The following LMNTD1 variants were observed in gnomAD, a reference collection of about 807,000 sequenced individuals.
The protein encoded by LMNTD1 is lamin tail domain containing 1.
A neutral mutation model predicts 50.9 loss-of-function variants in LMNTD1; 35 were observed. That is an observed-to-expected ratio of 0.69 (90% confidence interval 0.53 to 0.91). The LOEUF (loss-of-function observed/expected upper bound fraction) is 0.91. Ranked by LOEUF, LMNTD1 falls within the 40% of genes least tolerant of loss-of-function variation. The pLI, the probability that LMNTD1 is intolerant of heterozygous loss-of-function variation, is 0.00. For synonymous variants in LMNTD1, 153 were observed against 161.9 expected (o/e 0.94, Z 0.42); for missense variants, 470 against 475.5 (o/e 0.99, Z 0.11).
intron 1 of LMNTD1, among the ~76,000 whole-genome samples, chr12:25,572,537 CA>C (rs1944838357): frequency 6.6e-6 from 1 of 151,992 alleles, no homozygotes; most frequent in Non-Finnish European, 1.5e-5. Flanking sequence ...TACCAATCAA[CA>C]AAAAATCCAA....
intron 1 of LMNTD1, among the ~76,000 whole-genome samples, chr12:25,627,097 G>A (rs1946606399): frequency 6.6e-6 from 1 of 152,186 alleles, no homozygotes; most frequent in African/African-American, 2.4e-5. Flanking sequence ...TCTCTGAGCT[G>A]ATACCACAAA....
At chr12:25,548,647 T>C (rs1943569392) in intron 3 of LMNTD1, among the ~76,000 whole-genome samples, 1 of 151,912 alleles carries the variant, frequency 6.6e-6, no homozygotes, top group African/African-American at 2.4e-5. Flanking sequence ...AGAAAAACAG[T>C]AGGTCCTGTG....
In LMNTD1 at chr12:25,552,581, GAA is replaced by G. The variant is rs55848800; in HGVS notation, c.89+288_89+289del. ...AAGATCGCGCCACTGCACTCTGTCT[GAA>G]AAAAAAAAAAAAAAAAAACGGAACT... On this transcript the variant is annotated intron_variant, in intron 2 of 9. Coordinates refer to ENST00000458174, the MANE Select transcript of LMNTD1 (RefSeq NM_001145728.2). Among the ~76,000 whole-genome samples, 149 of 58,170 alleles carry G rather than the reference GAA, an allele frequency of 2.6e-3. 3 individuals are homozygous for G. The East Asian group carries it at 0.067, about 26-fold the overall frequency. 38.2% of individuals were successfully genotyped at this position (58,170 alleles called of 152,430 possible). A position where few individuals can be genotyped will look rare whatever the true frequency, so the allele number is the denominator to read the frequency against.
chr12:25,623,766 C>A (rs1252631050), intron 1 of LMNTD1, among the ~76,000 whole-genome samples: 1 of 152,014 alleles, frequency 6.6e-6, no homozygotes, highest in South Asian at 2.1e-4. Context: ...CCAACAGATG[C>A]TAAAAACATA....
At chr12:25,535,494 T>C (rs1942517884) in intron 4 of LMNTD1, among the ~76,000 whole-genome samples, 1 of 151,836 alleles carries the variant, frequency 6.6e-6, no homozygotes, top group Non-Finnish European at 1.5e-5. Context: ...CATAGGAAAT[T>C]TGAAGAAATT....
intron 1 of LMNTD1, among the ~76,000 whole-genome samples, chr12:25,562,275 G>C (rs35917615): frequency 0.11 from 16,870 of 152,200 alleles, 1,066 homozygotes; most frequent in East Asian, 0.2. Context: ...GGCTTGTAAC[G>C]ATTGTTCCTT....
At chr12:25,573,834 C>G (rs61926997) in intron 1 of LMNTD1, among the ~76,000 whole-genome samples, 15,814 of 152,192 alleles carry the variant, frequency 0.1, 1,026 homozygotes, top group East Asian at 0.25. Context: ...GTCTCCCTGT[C>G]TCATGCTATG....
At chr12:25,493,611 G>T (rs1426311919) in intron 9 of LMNTD1, among the ~76,000 whole-genome samples, 1 of 152,186 alleles carries the variant, frequency 6.6e-6, no homozygotes, top group Non-Finnish European at 1.5e-5. Context: ...GGTGGACTTG[G>T]AATATATTTT....
chr12:25,518,771 G>A (rs965413375), intron 8 of LMNTD1, 24 bp downstream of exon 8: 10 of 1,611,034 alleles, frequency 6.2e-6, no homozygotes, highest in African/African-American at 1.3e-5. Context: ...ACTCTCCACT[G>A]GAACAAGCAC....
chr12:25,612,642 G>A (rs1405848205), intron 1 of LMNTD1, among the ~76,000 whole-genome samples: 1 of 152,006 alleles, frequency 6.6e-6, no homozygotes, highest in Non-Finnish European at 1.5e-5. Context: ...AATGAATGAA[G>A]CTCTGATGAA....
chr12:25,622,463 GC>G (rs199777995), intron 1 of LMNTD1, among the ~76,000 whole-genome samples: 3 of 111,154 alleles, frequency 2.7e-5, no homozygotes, highest in Admixed American at 9.9e-5. Flanking sequence ...GAGTTTGTGA[GC>G]CCGCCCCCCC....
intron 4 of LMNTD1, among the ~76,000 whole-genome samples, chr12:25,537,357 A>G (rs1942679231): frequency 6.6e-6 from 1 of 152,250 alleles, no homozygotes; most frequent in Admixed American, 6.5e-5. Context: ...GGGTTCTCCC[A>G]GTACGCAGCT....
intron 6 of LMNTD1, among the ~76,000 whole-genome samples, chr12:25,521,873 T>C (rs1591894231): frequency 6.6e-6 from 1 of 152,200 alleles, no homozygotes; most frequent in African/African-American, 2.4e-5. Flanking sequence ...TGGAGTTTGT[T>C]TGGATTTCCT....
At chr12:25,484,508 T>A (rs182858255) in intron 9 of LMNTD1, among the ~76,000 whole-genome samples, 68 of 152,158 alleles carry the variant, frequency 4.5e-4, no homozygotes, top group African/African-American at 1.5e-3. Flanking sequence ...TTTTTAAATT[T>A]ATTTTTTTAT....
intron 1 of LMNTD1, among the ~76,000 whole-genome samples, chr12:25,624,386 G>T (rs956649233): frequency 6.6e-6 from 1 of 152,110 alleles, no homozygotes; most frequent in African/African-American, 2.4e-5. Context: ...ACTAGGAAAA[G>T]GTACCCATTC....
upstream of LMNTD1, among the ~76,000 whole-genome samples, chr12:25,556,335 A>G (rs938148438): frequency 6.6e-6 from 1 of 152,172 alleles, no homozygotes; most frequent in African/African-American, 2.4e-5. Context: ...CATTTTCCAA[A>G]TGAGGAAGTG....
At chr12:25,604,417 A>G (rs1288964244) in intron 1 of LMNTD1, among the ~76,000 whole-genome samples, 1 of 152,100 alleles carries the variant, frequency 6.6e-6, no homozygotes, top group Non-Finnish European at 1.5e-5. Flanking sequence ...TTACATATGT[A>G]TACATGTGCC....
chr12:25,605,156 G>A (rs1296855019), intron 1 of LMNTD1, among the ~76,000 whole-genome samples: 6 of 152,132 alleles, frequency 3.9e-5, no homozygotes, highest in African/African-American at 7.2e-5. Context: ...CTTTTGAGAA[G>A]TGTCTGTTCA....
intron 1 of LMNTD1, among the ~76,000 whole-genome samples, chr12:25,582,163 G>C (rs925367385): frequency 1.3e-5 from 2 of 152,186 alleles, no homozygotes; most frequent in African/African-American, 4.8e-5. Flanking sequence ...TAGGATGCCA[G>C]AGTGACCAAA....
Sources: gnomAD v4.1 joint callset for allele counts (sites outside exome capture counted in the v4.1 genomes callset) on GRCh38, gnomAD v4.1.1 for gene constraint, MANE v1.5 for transcripts, NCBI Gene and HGNC (gene_info 2026-07-23, HGNC 2026-07-21) for gene names.